DGKI: variants seen among roughly 807,000 people sequenced by gnomAD.
DGKI encodes the protein diacylglycerol kinase iota.
A neutral mutation model predicts 147.5 loss-of-function variants in DGKI; 55 were observed. That is an observed-to-expected ratio of 0.37 (90% CI 0.30 to 0.47). DGKI has a LOEUF of 0.47. Among genes scored for constraint, DGKI ranks in the 20% least tolerant of loss-of-function variants. DGKI has a pLI of 1.00. For missense variants in DGKI, 1,007 were observed against 1,323.8 expected, an observed-to-expected ratio of 0.76 and a Z score of 3.71; for synonymous variants, 469 against 477.1, an observed-to-expected ratio of 0.98 and a Z score of 0.22.
At chr7:137,707,171 T>C (rs1794063451) in intron 1 of DGKI, among the ~76,000 whole-genome samples, 1 of 152,224 alleles carries the variant, frequency 6.6e-6, no homozygotes, top group African/African-American at 2.4e-5. Flanking sequence ...AGACCTGTGG[T>C]ACAAATGGCT....
At chr7:137,814,436 C>T (rs1174305373) in intron 1 of DGKI, among the ~76,000 whole-genome samples, 2 of 152,136 alleles carry the variant, frequency 1.3e-5, no homozygotes, top group Admixed American at 1.3e-4. Flanking sequence ...AAATGACCAA[C>T]ATTTAGTTCA....
chr7:137,606,746 A>C (rs1820198208), intron 10 of DGKI, among the ~76,000 whole-genome samples: 1 of 152,218 alleles, frequency 6.6e-6, no homozygotes, highest in South Asian at 2.1e-4. Flanking sequence ...CTGTTTCTTG[A>C]AGACGTGATT....
chr7:137,645,409 C>T (rs111977302), intron 6 of DGKI, 63 bp downstream of exon 6: 1 of 1,437,746 alleles, frequency 7.0e-7, no homozygotes, highest in African/African-American at 1.4e-5. Context: ...GACTCATCTA[C>T]CTCAGTTGCT....
At chr7:137,756,242 C>A (rs777107365) in intron 1 of DGKI, among the ~76,000 whole-genome samples, 1 of 152,182 alleles carries the variant, frequency 6.6e-6, no homozygotes, top group African/African-American at 2.4e-5. Context: ...ATGCCAAGAC[C>A]TGCTGTGCCC....
At chr7:137,582,609 T>C (rs1289597023) in intron 14 of DGKI, among the ~76,000 whole-genome samples, 6 of 152,132 alleles carry the variant, frequency 3.9e-5, no homozygotes, top group Non-Finnish European at 7.4e-5. Flanking sequence ...ATCTTTATTA[T>C]GACCATGAAA....
intron 6 of DGKI, among the ~76,000 whole-genome samples, chr7:137,640,015 T>G (rs991448598): frequency 6.6e-6 from 1 of 152,010 alleles, no homozygotes; most frequent in Non-Finnish European, 1.5e-5. Context: ...GGTTTTTTTT[T>G]TTTTGGTGGT....
chr7:137,843,924 C>T (rs1386848846), intron 1 of DGKI, among the ~76,000 whole-genome samples: 3 of 152,128 alleles, frequency 2.0e-5, no homozygotes, highest in Admixed American at 6.5e-5. Flanking sequence ...CCCCCTCACG[C>T]AAGCAGCCAT....
chr7:137,606,391 G>A (rs1331912671), intron 10 of DGKI, among the ~76,000 whole-genome samples: 2 of 152,094 alleles, frequency 1.3e-5, no homozygotes, highest in African/African-American at 4.8e-5. Context: ...CTAAAAGCAG[G>A]TGAGTGGAAT....
intron 1 of DGKI, among the ~76,000 whole-genome samples, chr7:137,699,984 T>G (rs977869353): frequency 6.6e-6 from 1 of 152,148 alleles, no homozygotes; most frequent in Non-Finnish European, 1.5e-5. Flanking sequence ...CAAATGACAT[T>G]CAAAGTAGTT....
intron 22 of DGKI, among the ~76,000 whole-genome samples, chr7:137,486,024 C>T (rs543330705): frequency 3.6e-4 from 54 of 152,084 alleles, no homozygotes; most frequent in South Asian, 2.1e-4. Flanking sequence ...AGTTTTATAA[C>T]GAACTTGTCA....
intron 3 of DGKI, among the ~76,000 whole-genome samples, chr7:137,677,244 A>G (rs939892030): frequency 6.6e-6 from 1 of 152,252 alleles, no homozygotes; most frequent in African/African-American, 2.4e-5. Context: ...ATGATTAATT[A>G]CAGGTCTAGA....
intron 29 of DGKI, among the ~76,000 whole-genome samples, chr7:137,410,044 TAAGAA>T (rs1812103804): frequency 6.6e-6 from 1 of 152,002 alleles, no homozygotes; most frequent in African/African-American, 2.4e-5. Context: ...AGAAGGAAAA[TAAGAA>T]AATATGTAAG....
rs538421220 is a variant in DGKI, at chr7:137,627,583, T to C, written c.805-4029A>G. 6.6e-5 allele frequency among the ~76,000 whole-genome samples: 10 copies of C among 152,308 alleles called. No homozygotes were observed. In the South Asian group the frequency reaches 2.1e-3, roughly 32 times the overall value. ...CTAACCCCTACAGCCACTGCAAAGA[T>C]GGTAGGATTCCGATGTTCATTTTTA... On this transcript the variant is annotated intron_variant, in intron 6 of 32. Coordinates refer to ENST00000614521, the MANE Select transcript of DGKI (RefSeq NM_001321708.2).
chr7:137,790,999 A>G (rs1159637039), intron 1 of DGKI, among the ~76,000 whole-genome samples: 5 of 152,120 alleles, frequency 3.3e-5, no homozygotes, highest in African/African-American at 1.2e-4. Flanking sequence ...CACCTGAAAA[A>G]CTGCTGTAGA....
At chr7:137,658,989 A>C (rs1015391467) in intron 3 of DGKI, among the ~76,000 whole-genome samples, 2 of 152,250 alleles carry the variant, frequency 1.3e-5, no homozygotes, top group Non-Finnish European at 2.9e-5. Context: ...TCCTCTTAAA[A>C]TATATTATGA....
chr7:137,557,585 A>C (rs182939951), intron 19 of DGKI, among the ~76,000 whole-genome samples: 1 of 152,314 alleles, frequency 6.6e-6, no homozygotes, highest in African/African-American at 2.4e-5. Context: ...TACAAATATA[A>C]ATATTAGTGG....
intron 28 of DGKI, among the ~76,000 whole-genome samples, chr7:137,421,278 C>T (rs1025926781): frequency 6.6e-6 from 1 of 152,220 alleles, no homozygotes; most frequent in Non-Finnish European, 1.5e-5. Flanking sequence ...TATATTCAAA[C>T]ACCACCTGTG....
chr7:137,589,650 G>T (rs1051532135), intron 12 of DGKI, among the ~76,000 whole-genome samples: 1 of 152,246 alleles, frequency 6.6e-6, no homozygotes, highest in Non-Finnish European at 1.5e-5. Flanking sequence ...TGCAAGAAGG[G>T]GTCTTAAAGG....
chr7:137,836,522 G>A (rs894782196), intron 1 of DGKI, among the ~76,000 whole-genome samples: 11 of 152,172 alleles, frequency 7.2e-5, no homozygotes, highest in African/African-American at 2.7e-4. Context: ...GTGCACATAA[G>A]TTAACCCTAG....
Sources: gnomAD v4.1 joint callset for allele counts (sites outside exome capture counted in the v4.1 genomes callset) on GRCh38, gnomAD v4.1.1 for gene constraint, MANE v1.5 for transcripts, NCBI Gene and HGNC (gene_info 2026-07-23, HGNC 2026-07-21) for gene names.